Variants in IGSF10 observed in about 807,000 individuals in gnomAD.
The protein encoded by IGSF10 is calvaria mechanical force protein 608.
Under a neutral mutation model 128.2 loss-of-function variants are expected in IGSF10, and 126 were observed. That is an observed-to-expected ratio of 0.98 (90% CI 0.85 to 1.14). IGSF10 has a LOEUF of 1.14. Ranked by LOEUF, IGSF10 falls within the 50% of genes most tolerant of loss-of-function variation. The probability of loss-of-function intolerance (pLI) is 0.00; values close to 1 mark genes in which losing one functional copy is unlikely to be tolerated. For synonymous variants in IGSF10, 1,185 were observed against 1,146.2 expected (o/e 1.03, Z -0.68); for missense variants, 3,295 against 3,149.8 (o/e 1.05, Z -1.10).
chr3:151,436,645 A>G lies in IGSF10; in HGVS notation c.*44T>C. On this transcript the variant is annotated 3_prime_UTR_variant, in exon 8 of 8. Coordinates refer to ENST00000282466, the MANE Select transcript of IGSF10 (RefSeq NM_178822.5). The stretch of plus-strand genomic sequence containing the variant: ...GCTGCCTTTGATTAAACTTCTTCCA[A>G]AAAATAAATTCTGCCCAGATGTTGT... The G allele has an allele frequency of 7.0e-7, 1 of 1,422,888 alleles. No homozygotes were observed. Among genetic ancestry groups the G allele is most frequent in the Non-Finnish European group, 9.6e-7 (1 of 1,045,664 alleles). The allele number at this position is 1,422,888 out of a possible 1,614,324, so 88.1% of individuals were successfully genotyped here.
At chr3:151,441,795 C>T (rs1304791582) in intron 7 of IGSF10, among the ~76,000 whole-genome samples, 2 of 152,194 alleles carry the variant, frequency 1.3e-5, no homozygotes, top group African/African-American at 2.4e-5. Context: ...GGCACGGTGG[C>T]TCATGCCTGT....
At chr3:151,480,166 C>G in the IGSF10 span, among the ~76,000 whole-genome samples, 1 of 152,070 alleles carries the variant, frequency 6.6e-6, no homozygotes, top group Non-Finnish European at 1.5e-5. Flanking sequence ...CGCCAAACAG[C>G]AAATAAACAA....
chr3:151,506,039 C>T, the IGSF10 span, among the ~76,000 whole-genome samples: 2 of 151,766 alleles, frequency 1.3e-5, no homozygotes, highest in African/African-American at 4.9e-5. Flanking sequence ...GCAACCTCTG[C>T]CAACCAGGTT....
chr3:151,613,427 C>T, the IGSF10 span, among the ~76,000 whole-genome samples: 1 of 152,134 alleles, frequency 6.6e-6, no homozygotes, highest in Non-Finnish European at 1.5e-5. Flanking sequence ...TCAAACTATA[C>T]TACAAGGCTA....
chr3:151,472,160 A>G, the IGSF10 span, among the ~76,000 whole-genome samples: 46 of 152,340 alleles, frequency 3.0e-4, no homozygotes, highest in African/African-American at 1.1e-3. Context: ...TGTCAAAGCA[A>G]TAATCCTGGA....
At chr3:151,592,775 A>G in the IGSF10 span, among the ~76,000 whole-genome samples, 3 of 152,194 alleles carry the variant, frequency 2.0e-5, no homozygotes, top group African/African-American at 7.2e-5. Flanking sequence ...GCACATTTTA[A>G]GTGCTCTCAG....
At chr3:151,507,684 C>T in the IGSF10 span, among the ~76,000 whole-genome samples, 2 of 152,108 alleles carry the variant, frequency 1.3e-5, no homozygotes, top group Non-Finnish European at 2.9e-5. Flanking sequence ...CTCATGAGAA[C>T]TCACTATCAT....
chr3:151,456,567 A>G (rs1441875653), intron 4 of IGSF10, among the ~76,000 whole-genome samples: 2 of 152,162 alleles, frequency 1.3e-5, no homozygotes, highest in Non-Finnish European at 2.9e-5. Flanking sequence ...TCATTCTTGC[A>G]TGATTTTATG....
At chr3:151,482,778 A>G in the IGSF10 span, among the ~76,000 whole-genome samples, 1 of 152,200 alleles carries the variant, frequency 6.6e-6, no homozygotes, top group African/African-American at 2.4e-5. Context: ...GACAAAAAGA[A>G]TTCTAAAAGC....
At chr3:151,438,752 T>G (rs945413934) in intron 7 of IGSF10, among the ~76,000 whole-genome samples, 155 bp from the exon 8 acceptor site, 16 of 151,954 alleles carry the variant, frequency 1.1e-4, no homozygotes, top group South Asian at 6.2e-4. Flanking sequence ...TTGAGAGAGA[T>G]ATATATACAT....
chr3:151,547,008 C>T, the IGSF10 span, among the ~76,000 whole-genome samples: 5 of 86,154 alleles, frequency 5.8e-5, no homozygotes, highest in South Asian at 1.4e-3. Context: ...TGACCTCCGG[C>T]GATCCACCCC....
chr3:151,482,982 G>C, the IGSF10 span, among the ~76,000 whole-genome samples: 2 of 151,894 alleles, frequency 1.3e-5, no homozygotes, highest in African/African-American at 2.4e-5. Context: ...AAGGAGAATA[G>C]TCTTTTCAGA....
chr3:151,547,647 T>C, the IGSF10 span, among the ~76,000 whole-genome samples: 1 of 152,136 alleles, frequency 6.6e-6, no homozygotes. Context: ...GCCTCTGGGT[T>C]GTATGGAGTA....
At chr3:151,471,442 T>A in the IGSF10 span, among the ~76,000 whole-genome samples, 2 of 152,126 alleles carry the variant, frequency 1.3e-5, no homozygotes, top group Admixed American at 1.3e-4. Context: ...AGAAGGAAAA[T>A]TTCAGGCAAG....
the IGSF10 span, among the ~76,000 whole-genome samples, chr3:151,618,658 A>G: frequency 6.6e-6 from 1 of 151,998 alleles, no homozygotes; most frequent in Non-Finnish European, 1.5e-5. Context: ...TGAACCCAGG[A>G]GGCGGAGCTT....
At chr3:151,586,243 A>G in the IGSF10 span, among the ~76,000 whole-genome samples, 1 of 152,320 alleles carries the variant, frequency 6.6e-6, no homozygotes, top group Middle Eastern at 3.4e-3. Flanking sequence ...TATAGGCATG[A>G]GCGAAGGCAC....
the IGSF10 span, among the ~76,000 whole-genome samples, chr3:151,510,888 A>G: frequency 2.6e-5 from 4 of 152,222 alleles, no homozygotes; most frequent in Non-Finnish European, 5.9e-5. Flanking sequence ...AATGAATGAA[A>G]TGAAGCATGA....
the IGSF10 span, among the ~76,000 whole-genome samples, chr3:151,532,462 C>CA: frequency 1.3e-5 from 2 of 152,104 alleles, no homozygotes; most frequent in African/African-American, 4.8e-5. Flanking sequence ...AGCAGTACAT[C>CA]AAAAAGCTTA....
the IGSF10 span, among the ~76,000 whole-genome samples, chr3:151,483,551 T>C: frequency 6.6e-6 from 1 of 152,178 alleles, no homozygotes. Flanking sequence ...AACTCTGGTC[T>C]GTAGCTCCCA....
Sources: allele counts gnomAD v4.1 joint callset (sites outside exome capture counted in the v4.1 genomes callset), GRCh38; gene constraint gnomAD v4.1.1; transcripts MANE v1.5; gene names NCBI Gene and HGNC (gene_info 2026-07-23, HGNC 2026-07-21).